The following ECT2L variants were observed in gnomAD, a reference collection of about 807,000 sequenced individuals.
ECT2L encodes epithelial cell-transforming sequence 2 oncogene-like.
Under a neutral mutation model 122.8 loss-of-function variants are expected in ECT2L, and 126 were observed. That is an observed-to-expected ratio of 1.03 (90% CI 0.89 to 1.19). The LOEUF (loss-of-function observed/expected upper bound fraction) is 1.19, where lower values mean the gene tolerates loss of function less well. Ranked by LOEUF, ECT2L falls within the 50% of genes most tolerant of loss-of-function variation. The probability of loss-of-function intolerance (pLI) is 0.00; values close to 1 mark genes in which losing one functional copy is unlikely to be tolerated. For missense variants in ECT2L, 1,012 were observed against 1,064.1 expected (o/e 0.95, Z 0.68); for synonymous variants, 385 against 381.8 (o/e 1.01, Z -0.10).
intron 4 of ECT2L, among the ~76,000 whole-genome samples, chr6:138,819,734 A>T (rs886176216): frequency 6.6e-6 from 1 of 152,112 alleles, no homozygotes; most frequent in Non-Finnish European, 1.5e-5. Context: ...TAATTAAAAA[A>T]AAATTAGCCG....
chr6:138,811,836 G>T (rs540219802), intron 1 of ECT2L, among the ~76,000 whole-genome samples: 1 of 152,052 alleles, frequency 6.6e-6, no homozygotes, highest in Admixed American at 6.6e-5. Flanking sequence ...TTACAGGTGT[G>T]TGCCACTATG....
Position 138,825,999 on chromosome 6 carries a change from A to G in ECT2L, c.179+11396A>G, listed in dbSNP as rs1776435608. The stretch of plus-strand genomic sequence containing the variant: ...ACAATAAATGCATTACAGTCAATCC[A>G]GAGTCACTGATGGAAGCATTCCCTC... On this transcript the variant is annotated intron_variant, in intron 4 of 21. Transcript: ENST00000541398. 2.0e-5 allele frequency among the ~76,000 whole-genome samples: 3 copies of G among 152,206 alleles called. No homozygotes were observed. In the South Asian group the frequency reaches 6.2e-4, roughly 31 times the overall value.
chr6:138,803,773 C>T lies in ECT2L; in HGVS notation c.-244+7581C>T, dbSNP rs866945787. ...CTGGTGCTCACTATGCCATGCTGCTCGTCTGTAACATTTCTAAAATTGTTC... is the reference window on the plus strand; with the variant it reads ...CTGGTGCTCACTATGCCATGCTGCTTGTCTGTAACATTTCTAAAATTGTTC... On this transcript the variant is annotated intron_variant, in intron 1 of 21. Coordinates refer to ENST00000541398, the MANE Select transcript of ECT2L (RefSeq NM_001077706.3). 3.3e-5 allele frequency among the ~76,000 whole-genome samples: 5 copies of T among 152,290 alleles called. No homozygotes were observed. In the South Asian group the frequency reaches 8.3e-4, roughly 25 times the overall value.
At chr6:138,847,354 A>ATTTTTTTT (rs1562471985) in intron 8 of ECT2L, among the ~76,000 whole-genome samples, 120 of 111,040 alleles carry the variant, frequency 1.1e-3, no homozygotes, top group African/African-American at 4.7e-3. Flanking sequence ...AAAGGCCCAA[A>ATTTTTTTT]CTTTTTTTTT....
At chr6:138,844,895 T>C (rs940716426) in intron 7 of ECT2L, among the ~76,000 whole-genome samples, 3 of 150,706 alleles carry the variant, frequency 2.0e-5, no homozygotes, top group Non-Finnish European at 2.9e-5. Flanking sequence ...CCCAAATAGC[T>C]GCGATTACAG....
At chr6:138,869,853 T>A (rs1257510770) in intron 13 of ECT2L, among the ~76,000 whole-genome samples, 1 of 152,202 alleles carries the variant, frequency 6.6e-6, no homozygotes, top group Non-Finnish European at 1.5e-5. Context: ...TCCTGTCCCG[T>A]TTCCTCATTT....
In ECT2L at chr6:138,877,967, A is replaced by T. The variant is rs75237648; in HGVS notation, c.1665+1409A>T. ...AGTGTGTTTATAATATTTCAAATAC[A>T]GTGAGTTCTCTCATTTTTCTCTTAA... On this transcript the variant is annotated intron_variant, in intron 14 of 21. Coordinates refer to ENST00000541398, the MANE Select transcript of ECT2L (RefSeq NM_001077706.3). Among the ~76,000 whole-genome samples, 121 of 152,278 alleles carry T rather than the reference A, an allele frequency of 7.9e-4. 1 individual carries two copies. In the East Asian group the frequency reaches 0.016, roughly 20 times the overall value.
intron 4 of ECT2L, among the ~76,000 whole-genome samples, chr6:138,828,490 A>ATACT (rs1219050765): frequency 1.3e-5 from 2 of 152,120 alleles, no homozygotes; most frequent in Admixed American, 1.3e-4. Flanking sequence ...TTTCATAAGA[A>ATACT]TACTTCAAAG....
At position 138,846,545 on chromosome 6, in the gene ECT2L, T is replaced by A; in HGVS notation, c.771T>A (p.Asn257Lys). The A allele has an allele frequency of 8.8e-6, 14 of 1,581,980 alleles. No individual in the cohort carries two copies. The highest frequency in any genetic ancestry group is 1.2e-5 in the Non-Finnish European group (14 of 1,169,586). The change falls in exon 8 of 22, where the codon AAT becomes AAA. Residue 257 changes from asparagine (N) to lysine (K), a missense_variant. Transcript: ENST00000541398. ...ATTTCCTTTTACTCCATAGAAGCAA[T>A]ATTTCTGGAAGCCATTCCTACCCTT... The part of the protein sequence containing the change: ...TSLETLPKRS[N>K]ISGSHSYPLL...
intron 14 of ECT2L, among the ~76,000 whole-genome samples, 158 bp downstream of exon 14, chr6:138,876,716 G>C (rs1002674974): frequency 3.3e-5 from 5 of 151,846 alleles, no homozygotes; most frequent in African/African-American, 1.2e-4. Context: ...TCAGCTGGCA[G>C]ACTTTTTTTT....
At chr6:138,822,380 C>T (rs540640519) in intron 4 of ECT2L, among the ~76,000 whole-genome samples, 9 of 152,070 alleles carry the variant, frequency 5.9e-5, no homozygotes, top group East Asian at 3.9e-4. Flanking sequence ...ATGGTGAAAC[C>T]CTGTGTCTAC....
chr6:138,813,940 C>T (rs9389619), intron 3 of ECT2L, among the ~76,000 whole-genome samples: 48,943 of 151,850 alleles, frequency 0.32, 7,978 homozygotes, highest in Middle Eastern at 0.39. Context: ...AAAGCTGGAC[C>T]GAAACGCAGG....
intron 10 of ECT2L, among the ~76,000 whole-genome samples, chr6:138,861,143 G>T (rs570968598): frequency 1.4e-4 from 22 of 152,130 alleles, no homozygotes; most frequent in Non-Finnish European, 2.9e-4. Context: ...GGACATTTGG[G>T]TTGGTTCCAA....
At chr6:138,873,872 CTGTGTGTGTGTGTGTG>C (rs57839466) in intron 13 of ECT2L, among the ~76,000 whole-genome samples, 6 of 71,368 alleles carry the variant, frequency 8.4e-5, no homozygotes, top group South Asian at 6.8e-4. Flanking sequence ...AAATCCAGGA[CTGTGTGTGTGTGTGTG>C]TGTGTGTGTG....
chr6:138,808,464 G>A (rs55676428), intron 1 of ECT2L, among the ~76,000 whole-genome samples: 16,815 of 151,974 alleles, frequency 0.11, 1,108 homozygotes, highest in South Asian at 0.24. Context: ...GCACGGGCTA[G>A]TCTCAAACTC....
intron 1 of ECT2L, among the ~76,000 whole-genome samples, chr6:138,799,009 G>A (rs188029991): frequency 2.2e-4 from 33 of 152,168 alleles, no homozygotes; most frequent in Non-Finnish European, 3.4e-4. Context: ...TCATTTTTTT[G>A]TGTATAAATT....
intron 4 of ECT2L, among the ~76,000 whole-genome samples, chr6:138,826,343 A>C (rs1776450268): frequency 6.6e-6 from 1 of 152,210 alleles, no homozygotes; most frequent in African/African-American, 2.4e-5. Context: ...TAGATTGTTT[A>C]CTAGAAATTA....
chr6:138,896,136 G>A (rs978924788), intron 20 of ECT2L, among the ~76,000 whole-genome samples: 11 of 138,554 alleles, frequency 7.9e-5, no homozygotes, highest in African/African-American at 2.4e-4. Context: ...CTCCCATGCT[G>A]GCCAGGCTGG....
At chr6:138,884,506 C>T (rs1217634940) in intron 16 of ECT2L, among the ~76,000 whole-genome samples, 2 of 151,858 alleles carry the variant, frequency 1.3e-5, no homozygotes, top group East Asian at 1.9e-4. Flanking sequence ...GGCATGGTGG[C>T]GGGCACCTGT....
Sources: gnomAD v4.1 joint callset for allele counts (sites outside exome capture counted in the v4.1 genomes callset) on GRCh38, gnomAD v4.1.1 for gene constraint, MANE v1.5 for transcripts, NCBI Gene and HGNC (gene_info 2026-07-23, HGNC 2026-07-21) for gene names.